ARF1: variants seen among roughly 807,000 people sequenced by gnomAD.
ARF1 encodes ADP-ribosylation factor 1.
A neutral mutation model predicts 18.0 loss-of-function variants in ARF1; 1 was observed. The observed-to-expected ratio is 0.06, with a 90% CI of 0.02 to 0.26. The LOEUF (loss-of-function observed/expected upper bound fraction) is 0.26, where lower values mean the gene tolerates loss of function less well. ARF1 is among the 10% of genes least tolerant of loss of function. The pLI is 1.00. For missense variants in ARF1, 73 were observed against 247.2 expected, an observed-to-expected ratio of 0.30 and a Z score of 4.73; for synonymous variants, 112 against 96.3, an observed-to-expected ratio of 1.16 and a Z score of -0.95.
In ARF1 at chr1:228,097,466, G is replaced by T. The variant is rs750719848; in HGVS notation, c.259+14G>T. The T allele has an allele frequency of 5.6e-6, 9 of 1,613,882 alleles. No homozygotes were observed. Among genetic ancestry groups the T allele is most frequent in the Non-Finnish European group, 6.8e-6 (8 of 1,179,910 alleles). ...AGAACACACAAGGTAAGTGGCTGGG[G>T]CCTGGTCCCATGGGCACTCCTGCTT... On this transcript the variant is annotated intron_variant, in intron 3 of 4. Coordinates refer to ENST00000272102, the MANE Select transcript of ARF1 (RefSeq NM_001658.4). The surrounding 1 kb of genome is among the most constrained non-coding windows in gnomAD (Gnocchi z 8.1).
intron 1 of ARF1, among the ~76,000 whole-genome samples, chr1:228,086,193 C>T (rs927307556): frequency 2.0e-5 from 3 of 152,200 alleles, no homozygotes; most frequent in Non-Finnish European, 4.4e-5. Context: ...AAGGAATGTT[C>T]AGACTGAACC....
chr1:228,095,003 G>A (rs748098551), intron 1 of ARF1, among the ~76,000 whole-genome samples: 4 of 152,230 alleles, frequency 2.6e-5, no homozygotes, highest in South Asian at 4.2e-4. Context: ...CCGTAATTTC[G>A]TACGTTCTTT....
chr1:228,098,954 C>A lies in ARF1; in HGVS notation c.*941C>A. ...GTGTGTGATGTAGCTTTCTCTCCCTCAGCCTGCAAGGGTCCGATTTGCCAT... is the reference window on the plus strand; with the variant it reads ...GTGTGTGATGTAGCTTTCTCTCCCTAAGCCTGCAAGGGTCCGATTTGCCAT... On this transcript the variant is annotated 3_prime_UTR_variant, in exon 5 of 5. Transcript: ENST00000272102. 1 of 152,660 alleles carries A rather than the reference C, an allele frequency of 6.6e-6. No homozygotes were observed. Among genetic ancestry groups the A allele is most frequent in the East Asian group, 1.9e-4 (1 of 5,196 alleles). The allele number at this position is 152,660 out of a possible 1,614,324, so 9.5% of individuals were successfully genotyped here. A position where few individuals can be genotyped will look rare whatever the true frequency, so the allele number is the denominator to read the frequency against.
Position 228,098,842 on chromosome 1 carries a change from A to T in ARF1, c.*829A>T, listed in dbSNP as rs2032853549. Reference sequence around the variant, plus strand: ...GTGCTCGCTCAGACACTTTGGCAGGATGTCTGGGGCCTCACCAGCAGGAGC... The same window carrying T: ...GTGCTCGCTCAGACACTTTGGCAGGTTGTCTGGGGCCTCACCAGCAGGAGC... On this transcript the variant is annotated 3_prime_UTR_variant, in exon 5 of 5. Coordinates refer to ENST00000272102, the MANE Select transcript of ARF1 (RefSeq NM_001658.4). 6.6e-6 allele frequency: 1 copy of T among 152,592 alleles called. No homozygotes were observed. Among genetic ancestry groups the T allele is most frequent in the Admixed American group, 6.5e-5 (1 of 15,284 alleles). 9.5% of individuals were successfully genotyped at this position (152,592 alleles called of 1,614,324 possible).
chr1:228,087,120 T>C (rs1558083572), intron 1 of ARF1, among the ~76,000 whole-genome samples: 1 of 152,234 alleles, frequency 6.6e-6, no homozygotes, highest in Non-Finnish European at 1.5e-5. Context: ...TTTTACTCCC[T>C]GAAGGGATGC....
At chr1:228,091,987 T>C (rs2032590246) in intron 1 of ARF1, among the ~76,000 whole-genome samples, 1 of 152,192 alleles carries the variant, frequency 6.6e-6, no homozygotes, top group Non-Finnish European at 1.5e-5. Context: ...TGAAAGGCTG[T>C]TGTTCCTCAG....
Position 228,089,205 on chromosome 1 carries a change from C to T in ARF1, c.-38+6440C>T, listed in dbSNP as rs1449823061. Among the ~76,000 whole-genome samples the T allele has an allele frequency of 2.0e-5, 3 of 151,998 alleles. No individual in the cohort carries two copies. The East Asian group carries it at 5.8e-4, about 29-fold the overall frequency. On this transcript the variant is annotated intron_variant, in intron 1 of 4. Coordinates refer to ENST00000272102, the MANE Select transcript of ARF1 (RefSeq NM_001658.4). This position sits in a 1 kb window ranked among gnomAD's most constrained non-coding sequence, Gnocchi z 4.1. ...ATGTGGGGTCGTTGTGTAGGGGCCA[C>T]CATCACCTGGAGAGCAGGGCAGATG...
chr1:228,098,214 T>A lies in ARF1; in HGVS notation c.*201T>A. 1 of 563,762 alleles carries A rather than the reference T, an allele frequency of 1.8e-6. No individual in the cohort carries two copies. Among genetic ancestry groups the A allele is most frequent in the Non-Finnish European group, 3.0e-6 (1 of 335,998 alleles). The allele number at this position is 563,762 out of a possible 1,614,324, so 34.9% of individuals were successfully genotyped here. On this transcript the variant is annotated 3_prime_UTR_variant, in exon 5 of 5. Coordinates refer to ENST00000272102, the MANE Select transcript of ARF1 (RefSeq NM_001658.4). ...ATAGTTTTTGTTTCCAATGAGGCAG[T>A]TTCTGGTACTCCTATGCAATATTAC...
Position 228,097,778 on chromosome 1 carries a change from G to T in ARF1, c.384+63G>T. The T allele has an allele frequency of 6.3e-7, 1 of 1,588,278 alleles. No individual in the cohort carries two copies. The highest frequency in any genetic ancestry group is 8.6e-7 in the Non-Finnish European group (1 of 1,165,540). On this transcript the variant is annotated intron_variant, in intron 4 of 4. Transcript: ENST00000272102. The surrounding 1 kb of genome is among the most constrained non-coding windows in gnomAD (Gnocchi z 8.1). Reference sequence around the variant, plus strand: ...AGTGTGGGTTCCGCCTGGTGGTAGGGGTTACTGGAGGCTGGTGGGGCCCCT... The same window carrying T: ...AGTGTGGGTTCCGCCTGGTGGTAGGTGTTACTGGAGGCTGGTGGGGCCCCT...
Position 228,097,223 on chromosome 1 carries a change from C to G in ARF1, c.109C>G (p.Leu37Val). 2 of 1,613,778 alleles carry G rather than the reference C, an allele frequency of 1.2e-6. No individual in the cohort carries two copies. Among genetic ancestry groups the G allele is most frequent in the Non-Finnish European group, 1.7e-6 (2 of 1,179,822 alleles). The change falls in exon 2 of 5, where the codon CTT (leucine) becomes GTT (valine). Residue 37 changes from leucine (L) to valine (V), a missense_variant. Coordinates refer to ENST00000272102, the MANE Select transcript of ARF1 (RefSeq NM_001658.4). The surrounding 1 kb of genome is among the most constrained non-coding windows in gnomAD (Gnocchi z 8.1). ...AAGKTTILYK[L>V]KLGEIVTTIP... ...AGGGAAGACCACGATCCTCTACAAG[C>G]TTAAGCTGGGTGAGATCGTGACCAC...
intron 1 of ARF1, among the ~76,000 whole-genome samples, chr1:228,096,290 C>T (rs2032743856): frequency 2.0e-5 from 3 of 152,272 alleles, no homozygotes; most frequent in Admixed American, 6.5e-5. Context: ...GCCTTCCTCA[C>T]TCGGGGTAAG....
At chr1:228,088,021 T>G (rs1441477493) in intron 1 of ARF1, 1 of 152,236 alleles carries the variant, frequency 6.6e-6, no homozygotes, top group Non-Finnish European at 1.5e-5. Context: ...GAGTCACTTG[T>G]GCAGTGCCCA....
chr1:228,084,055 C>G (rs918153487), intron 1 of ARF1, among the ~76,000 whole-genome samples: 1 of 152,208 alleles, frequency 6.6e-6, no homozygotes, highest in Non-Finnish European at 1.5e-5. Flanking sequence ...GTGGTTCTGG[C>G]GTTTTCCGCA....
rs1220002971 is a variant in ARF1 at position 228,099,096 on chromosome 1, T to A, written c.*1083T>A. 2.0e-5 allele frequency: 3 copies of A among 152,716 alleles called. No individual in the cohort carries two copies. The highest frequency in any genetic ancestry group is 7.2e-5 in the African/African-American group (3 of 41,478). The allele number at this position is 152,716 out of a possible 1,614,324, so 9.5% of individuals were successfully genotyped here. A position where few individuals can be genotyped will look rare whatever the true frequency, so the allele number is the denominator to read the frequency against. ...GTCTATTTGGTGTCGTGGAACCTCT[T>A]ACTGCTTTCAATACACGATTAGTAA... On this transcript the variant is annotated 3_prime_UTR_variant, in exon 5 of 5. Transcript: ENST00000272102.
chr1:228,089,329 C>T lies in ARF1; in HGVS notation c.-38+6564C>T, dbSNP rs539707758. ...CCTAGGTCTGGAGTGCCTCCAGAAG[C>T]GAGGATTTCCTGCAAGGGCGGTGGC... On this transcript the variant is annotated intron_variant, in intron 1 of 4. Transcript: ENST00000272102. This position sits in a 1 kb window ranked among gnomAD's most constrained non-coding sequence, Gnocchi z 4.1. Among the ~76,000 whole-genome samples the T allele has an allele frequency of 2.0e-5, 3 of 152,166 alleles. No individual in the cohort carries two copies. The highest frequency in any genetic ancestry group is 7.2e-5 in the African/African-American group (3 of 41,514).
Position 228,098,032 on chromosome 1 carries a change from T to TC in ARF1, c.*20dup. The TC allele has an allele frequency of 6.2e-7, 1 of 1,600,218 alleles. No individual in the cohort carries two copies. The highest frequency in any genetic ancestry group is 8.5e-7 in the Non-Finnish European group (1 of 1,171,052). ...GAAGTGAACGCGACCCCCCTCCCTC[T>TC]CACTCCTCTTGCCCTCTGCTTTACT... is the stretch of plus-strand genomic sequence containing the variant. On this transcript the variant is annotated 3_prime_UTR_variant, in exon 5 of 5. Transcript: ENST00000272102.
intron 1 of ARF1, chr1:228,091,141 C>T (rs1357139743): frequency 6.6e-6 from 1 of 152,162 alleles, no homozygotes; most frequent in Non-Finnish European, 1.5e-5. Flanking sequence ...AGCTATAGTC[C>T]CAGAACTCAG....
At position 228,098,203 on chromosome 1, in the gene ARF1, C is replaced by T. The variant is rs925973998; in HGVS notation, c.*190C>T. On this transcript the variant is annotated 3_prime_UTR_variant, in exon 5 of 5. Transcript: ENST00000272102. Reference sequence around the variant, plus strand: ...ATTTAATGTAAATAGTTTTTGTTTCCAATGAGGCAGTTTCTGGTACTCCTA... The same window carrying T: ...ATTTAATGTAAATAGTTTTTGTTTCTAATGAGGCAGTTTCTGGTACTCCTA... 7.9e-6 allele frequency: 5 copies of T among 635,826 alleles called. No homozygotes were observed. The African/African-American group carries it at 9.3e-5, about 12-fold the overall frequency. 39.4% of individuals were successfully genotyped at this position (635,826 alleles called of 1,614,324 possible).
chr1:228,096,980 A>AG, intron 1 of ARF1, 98 bp from the exon 2 acceptor site: 1 of 1,104,876 alleles, frequency 9.1e-7, no homozygotes, highest in Non-Finnish European at 1.3e-6. Context: ...GGCTTCCAGG[A>AG]GGTGGGGTGA....
Sources: allele counts gnomAD v4.1 joint callset (sites outside exome capture counted in the v4.1 genomes callset), GRCh38; gene constraint gnomAD v4.1.1; non-coding constraint Gnocchi (gnomAD v3.1); transcripts MANE v1.5; gene names NCBI Gene and HGNC (gene_info 2026-07-23, HGNC 2026-07-21).